The following MROH2A variants were observed in gnomAD, a reference collection of about 807,000 sequenced individuals.
MROH2A encodes the protein maestro heat like repeat family member 2A.
Under a neutral mutation model 200.4 loss-of-function variants are expected in MROH2A, and 174 were observed. The ratio of observed to expected loss-of-function variants is 0.87; its 90% CI spans 0.77 to 0.98. The LOEUF (loss-of-function observed/expected upper bound fraction) is 0.98, where lower values mean the gene tolerates loss of function less well. Ranked by LOEUF, MROH2A falls within the 50% of genes least tolerant of loss-of-function variation. MROH2A has a pLI of 0.00. For synonymous variants in MROH2A, 829 were observed against 840.4 expected (o/e 0.99, Z 0.23); for missense variants, 2,045 against 2,139.6 (o/e 0.96, Z 0.87).
At chr2:233,790,766 C>T (rs1487427647) in intron 5 of MROH2A, among the ~76,000 whole-genome samples, 2 of 151,628 alleles carry the variant, frequency 1.3e-5, no homozygotes, top group African/African-American at 2.4e-5. Flanking sequence ...CCATGCAGGC[C>T]TTGTGGCAGG....
intron 22 of MROH2A, among the ~76,000 whole-genome samples, chr2:233,809,646 T>G (rs374963477): frequency 3.0e-4 from 45 of 152,230 alleles, no homozygotes; most frequent in African/African-American, 1.0e-3. Flanking sequence ...TTCATAGACA[T>G]GCAAAGGAAC....
In MROH2A at chr2:233,787,543, CATATATATTATATATACATATATATT is replaced by C. The variant is rs1559435222; in HGVS notation, c.277-1945_277-1920del. 7.1e-4 allele frequency among the ~76,000 whole-genome samples: 69 copies of C among 96,912 alleles called. 4 individuals are homozygous for C. Among genetic ancestry groups the C allele is most frequent in the East Asian group, 1.8e-3 (6 of 3,342 alleles). 63.6% of individuals were successfully genotyped at this position (96,912 alleles called of 152,430 possible). A position where few individuals can be genotyped will look rare whatever the true frequency, so the allele number is the denominator to read the frequency against. ...ATATATATTACATATATCATATATA[CATATATATTATATATACATATATATT>C]ATATATATCATATATACATATATAT... is the stretch of plus-strand genomic sequence containing the variant. On this transcript the variant is annotated intron_variant, in intron 3 of 41. Transcript: ENST00000389758.
At chr2:233,788,388 T>C (rs1015745219) in intron 3 of MROH2A, among the ~76,000 whole-genome samples, 2 of 150,800 alleles carry the variant, frequency 1.3e-5, no homozygotes, top group African/African-American at 4.9e-5. Context: ...GTCATAGGGA[T>C]TTCTGATTGG....
intron 14 of MROH2A, 51 bp downstream of exon 14, chr2:233,800,366 G>A: frequency 9.0e-7 from 1 of 1,110,614 alleles, no homozygotes; most frequent in Non-Finnish European, 1.3e-6. Flanking sequence ...CCAGGCTGGG[G>A]GTGAACCACA....
Position 233,803,443 on chromosome 2 carries a change from A to G in MROH2A, c.1709-5A>G, listed in dbSNP as rs775254945. On this transcript the variant is annotated splice_region_variant and splice_polypyrimidine_tract_variant and intron_variant, in intron 15 of 41. Coordinates refer to ENST00000389758, the MANE Select transcript of MROH2A (RefSeq NM_001394639.1). The stretch of plus-strand genomic sequence containing the variant: ...CTCAGCTGGGGTTGCATTTCCTTCA[A>G]TCAGTGGACCTGCCTGCACCTCAGA... The G allele has an allele frequency of 1.2e-5, 19 of 1,550,434 alleles. No homozygotes were observed. In the East Asian group the frequency reaches 3.2e-4, roughly 26 times the overall value.
intron 7 of MROH2A, among the ~76,000 whole-genome samples, 155 bp downstream of exon 7, chr2:233,793,979 T>C (rs1462928416): frequency 6.6e-6 from 1 of 152,064 alleles, no homozygotes; most frequent in Non-Finnish European, 1.5e-5. Flanking sequence ...GGGGAACTCA[T>C]GGATGCTGAA....
chr2:233,809,088 G>T (rs1247199705), intron 21 of MROH2A, 38 bp from the exon 22 acceptor site: 2 of 1,530,816 alleles, frequency 1.3e-6, no homozygotes, highest in Middle Eastern at 1.7e-4. Context: ...AGCAGCCCCT[G>T]CTGCCCCCAG....
rs371193937 is a variant in MROH2A at position 233,791,032 on chromosome 2, G to A, written c.571+1018G>A. 3.9e-5 allele frequency among the ~76,000 whole-genome samples: 6 copies of A among 152,276 alleles called. No individual in the cohort carries two copies. In the East Asian group the frequency reaches 5.8e-4, roughly 15 times the overall value. ...ATAGGACCGGGAGAGCATTCCACACGGAGAGAACATTGCAGAGGCTCTGGG... is the reference window on the plus strand; with the variant it reads ...ATAGGACCGGGAGAGCATTCCACACAGAGAGAACATTGCAGAGGCTCTGGG... On this transcript the variant is annotated intron_variant, in intron 5 of 41. Transcript: ENST00000389758.
intron 22 of MROH2A, among the ~76,000 whole-genome samples, 167 bp from the exon 23 acceptor site, chr2:233,810,627 T>A (rs912267133): frequency 1.3e-5 from 2 of 152,214 alleles, no homozygotes; most frequent in Non-Finnish European, 2.9e-5. Context: ...TGGCAGGTGC[T>A]CCATTCATGT....
intron 26 of MROH2A, among the ~76,000 whole-genome samples, chr2:233,816,454 T>C (rs1216048943): frequency 1.3e-5 from 2 of 152,262 alleles, no homozygotes; most frequent in Non-Finnish European, 2.9e-5. Context: ...TATGGTAATG[T>C]CATTTGCTCT....
chr2:233,817,970 AG>A (rs1559473880), intron 27 of MROH2A, 31 bp from the exon 28 acceptor site: 1 of 1,549,920 alleles, frequency 6.5e-7, no homozygotes, highest in African/African-American at 1.4e-5. Flanking sequence ...GAGAGCACAG[AG>A]GTGTGAGCCC....
In MROH2A at chr2:233,820,136, A is replaced by G; in HGVS notation, c.3512+80A>G. 7.6e-7 allele frequency: 1 copy of G among 1,320,116 alleles called. No homozygotes were observed. Among genetic ancestry groups the G allele is most frequent in the Non-Finnish European group, 1.0e-6 (1 of 994,386 alleles). The allele number at this position is 1,320,116 out of a possible 1,614,324, so 81.8% of individuals were successfully genotyped here. ...ACTCACCACCCCGATGTGTCCCAGAAGCCTGGAGCCTTGGGCAGTACCCTG... is the reference window on the plus strand; with the variant it reads ...ACTCACCACCCCGATGTGTCCCAGAGGCCTGGAGCCTTGGGCAGTACCCTG... On this transcript the variant is annotated intron_variant, in intron 31 of 41. Coordinates refer to ENST00000389758, the MANE Select transcript of MROH2A (RefSeq NM_001394639.1). This position sits in a 1 kb window ranked among gnomAD's most constrained non-coding sequence, Gnocchi z 4.1.
chr2:233,805,581 A>G (rs6725563), intron 19 of MROH2A, among the ~76,000 whole-genome samples: 48,759 of 151,990 alleles, frequency 0.32, 9,229 homozygotes, highest in African/African-American at 0.52. Flanking sequence ...GAAATACCAG[A>G]GGCTCTGAAT....
rs752495187 is a variant in MROH2A at position 233,819,966 on chromosome 2, G to A, written c.3422G>A (p.Arg1141His). ...LPVVDHPEVR[R>H]LLIDGILLLA... ...GTGGTGGACCACCCAGAGGTGCGGC[G>A]CCTTCTCATTGACGGCATCCTGCTG... The change falls in exon 31 of 42, where the codon CGC becomes CAC. Residue 1141 changes from arginine (R) to histidine (H), a missense_variant. Arg to His is a conservative substitution (Grantham distance 29, BLOSUM62 0). Coordinates refer to ENST00000389758, the MANE Select transcript of MROH2A (RefSeq NM_001394639.1). 5.8e-5 allele frequency: 90 copies of A among 1,546,530 alleles called. No individual in the cohort carries two copies. The South Asian group carries it at 6.1e-4, about 10-fold the overall frequency.
At position 233,804,567 on chromosome 2, in the gene MROH2A, G is replaced by C. The variant is rs1702673558; in HGVS notation, c.1944+20G>C. ...ATTCAGGTAAACGGGTAACAAGTTTGCTGAGGCCTGGGAGGAGGAGAAAGA... is the reference window on the plus strand; with the variant it reads ...ATTCAGGTAAACGGGTAACAAGTTTCCTGAGGCCTGGGAGGAGGAGAAAGA... On this transcript the variant is annotated intron_variant, in intron 18 of 41. Coordinates refer to ENST00000389758, the MANE Select transcript of MROH2A (RefSeq NM_001394639.1). 1 of 1,551,022 alleles carries C rather than the reference G, an allele frequency of 6.4e-7. No individual in the cohort carries two copies. Among genetic ancestry groups the C allele is most frequent in the African/African-American group, 1.4e-5 (1 of 73,056 alleles).
Position 233,789,603 on chromosome 2 carries a change from C to T in MROH2A, c.383C>T (p.Ser128Phe). The T allele has an allele frequency of 6.8e-7, 1 of 1,479,702 alleles. No individual in the cohort carries two copies. Among genetic ancestry groups the T allele is most frequent in the Non-Finnish European group, 9.0e-7 (1 of 1,113,414 alleles). The allele number at this position is 1,479,702 out of a possible 1,614,324, so 91.7% of individuals were successfully genotyped here. The change falls in exon 4 of 42, where the codon TCC becomes TTC. Residue 128 changes from serine to phenylalanine, a missense_variant. This residue lies in a region of MROH2A where 831 missense variants were observed against 800.0 expected (regional missense o/e 1.04). Coordinates refer to ENST00000389758, the MANE Select transcript of MROH2A (RefSeq NM_001394639.1). ...GTGCAGAGGCTGGTGGCCATTGCCTCCAAGGAGATGAGGGAGATCCCAGAG... is the reference window on the plus strand; with the variant it reads ...GTGCAGAGGCTGGTGGCCATTGCCTTCAAGGAGATGAGGGAGATCCCAGAG... ...QCVQRLVAIASKEMREIPEME... is the reference protein window; with the variant it reads ...QCVQRLVAIAFKEMREIPEME...
rs537727043 is a variant in MROH2A at position 233,798,988 on chromosome 2, A to G, written c.1329+138A>G. 11 of 689,174 alleles carry G rather than the reference A, an allele frequency of 1.6e-5. No homozygotes were observed. The East Asian group carries it at 2.7e-4, about 17-fold the overall frequency. The allele number at this position is 689,174 out of a possible 1,614,324, so 42.7% of individuals were successfully genotyped here. On this transcript the variant is annotated intron_variant, in intron 12 of 41. Coordinates refer to ENST00000389758, the MANE Select transcript of MROH2A (RefSeq NM_001394639.1). ...ATCGGGTCTCGACTGGGGCTGCAGA[A>G]TGGTGAGGCCAGTGAAAGCTGAGGT... is the stretch of plus-strand genomic sequence containing the variant.
intron 14 of MROH2A, 52 bp downstream of exon 14, chr2:233,800,367 G>A (rs1336575893): frequency 2.7e-6 from 3 of 1,092,434 alleles, no homozygotes; most frequent in East Asian, 2.6e-5. Flanking sequence ...CAGGCTGGGG[G>A]TGAACCACAC....
At position 233,811,872 on chromosome 2, in the gene MROH2A, T is replaced by G; in HGVS notation, c.2572-8T>G. The G allele has an allele frequency of 6.5e-7, 1 of 1,548,650 alleles. No individual in the cohort carries two copies. The highest frequency in any genetic ancestry group is 8.7e-7 in the Non-Finnish European group (1 of 1,145,346). On this transcript the variant is annotated splice_polypyrimidine_tract_variant and splice_region_variant and intron_variant, in intron 23 of 41. Transcript: ENST00000389758. Reference sequence around the variant, plus strand: ...CAAAAGCCACCACCCCCTGCTTGTGTTGGACAGGCGGTCATCAAGGCAGAA... The same window carrying G: ...CAAAAGCCACCACCCCCTGCTTGTGGTGGACAGGCGGTCATCAAGGCAGAA...
Sources: gnomAD v4.1 joint callset for allele counts (sites outside exome capture counted in the v4.1 genomes callset) on GRCh38, gnomAD v4.1.1 for gene constraint, gnomAD v4.1.1 regional missense constraint, Gnocchi (gnomAD v3.1) non-coding constraint, MANE v1.5 for transcripts, NCBI Gene and HGNC (gene_info 2026-07-23, HGNC 2026-07-21) for gene names.